The following PARD3B variants were observed in gnomAD, a reference collection of about 807,000 sequenced individuals.
The protein encoded by PARD3B is partitioning defective 3 homolog B.
A neutral mutation model predicts 130.2 loss-of-function variants in PARD3B; 103 were observed. The ratio of observed to expected loss-of-function variants is 0.79; its 90% CI spans 0.67 to 0.93. PARD3B has a LOEUF of 0.93. PARD3B is among the 40% of genes least tolerant of loss of function. PARD3B has a pLI of 0.00. For synonymous variants in PARD3B, 583 were observed against 553.2 expected, an observed-to-expected ratio of 1.05 and a Z score of -0.76; for missense variants, 1,609 against 1,499.2, an observed-to-expected ratio of 1.07 and a Z score of -1.21.
At chr2:204,765,385 C>A (rs1401296714) in intron 2 of PARD3B, among the ~76,000 whole-genome samples, 1 of 152,146 alleles carries the variant, frequency 6.6e-6, no homozygotes, top group South Asian at 2.1e-4. Flanking sequence ...AATCTTCTTG[C>A]TGCAAGAAGA....
At chr2:204,667,711 C>T (rs1040909598) in intron 1 of PARD3B, among the ~76,000 whole-genome samples, 1 of 152,096 alleles carries the variant, frequency 6.6e-6, no homozygotes, top group Admixed American at 6.6e-5. Flanking sequence ...GGGGGAGTCA[C>T]AAATAGTGAA....
chr2:205,161,211 G>A (rs2034485408), intron 11 of PARD3B, among the ~76,000 whole-genome samples: 3 of 152,146 alleles, frequency 2.0e-5, no homozygotes, highest in Admixed American at 2.0e-4. Flanking sequence ...GGTTTAATAT[G>A]TATATCCATG....
rs1037410676 is a variant in PARD3B, at chr2:204,891,180, CCTTTT to C, written c.223-73966_223-73962del. Reference sequence around the variant, plus strand: ...GCACGCTGTGTGTTTTCTCTTAAGTCCTTTTCTTTTTTTTTTTTTTTTAACCTTGT... The same window carrying C: ...GCACGCTGTGTGTTTTCTCTTAAGTCCTTTTTTTTTTTTTTTTAACCTTGT... On this transcript the variant is annotated intron_variant, in intron 2 of 22. Transcript: ENST00000406610. 9.4e-5 allele frequency among the ~76,000 whole-genome samples: 14 copies of C among 149,364 alleles called. No individual in the cohort carries two copies. In the South Asian group the frequency reaches 2.1e-3, roughly 22 times the overall value.
At chr2:205,143,936 C>G (rs1047381149) in intron 10 of PARD3B, among the ~76,000 whole-genome samples, 1 of 152,072 alleles carries the variant, frequency 6.6e-6, no homozygotes, top group African/African-American at 2.4e-5. Context: ...ATCATTAACC[C>G]TTGATAGGTC....
chr2:205,252,452 A>T (rs987616794), intron 16 of PARD3B, among the ~76,000 whole-genome samples: 1 of 152,170 alleles, frequency 6.6e-6, no homozygotes, highest in African/African-American at 2.4e-5. Context: ...CAGAGGAAAT[A>T]TTGCTTAATT....
chr2:205,353,567 G>A (rs2044070400), intron 18 of PARD3B, among the ~76,000 whole-genome samples: 1 of 152,084 alleles, frequency 6.6e-6, no homozygotes, highest in South Asian at 2.1e-4. Context: ...CCCAATACAT[G>A]CTTTGTCAAA....
chr2:205,478,959 G>A (rs528700438), intron 20 of PARD3B, among the ~76,000 whole-genome samples: 3 of 152,286 alleles, frequency 2.0e-5, no homozygotes, highest in South Asian at 2.1e-4. Flanking sequence ...TGATGGCACT[G>A]AGATGTTATA....
Position 204,545,911 on chromosome 2 carries a change from C to A in PARD3B, c.-89C>A. 2 of 1,390,522 alleles carry A rather than the reference C, an allele frequency of 1.4e-6. No homozygotes were observed. Among genetic ancestry groups the A allele is most frequent in the Non-Finnish European group, 1.9e-6 (2 of 1,067,064 alleles). The allele number at this position is 1,390,522 out of a possible 1,614,324, so 86.1% of individuals were successfully genotyped here. On this transcript the variant is annotated 5_prime_UTR_variant, in exon 1 of 23. Transcript: ENST00000406610. ...CGGCGCCCCGGGTCTCTGGGCCCAC[C>A]CGCCCCGGGCGTCCTCCGAGAGTGG... is the stretch of plus-strand genomic sequence containing the variant.
Position 205,253,226 on chromosome 2 carries a change from C to A in PARD3B, c.2185+7404C>A, listed in dbSNP as rs1184197582. 1.2e-5 allele frequency: 5 copies of A among 422,464 alleles called. 1 individual carries two copies. Among genetic ancestry groups the A allele is most frequent in the Non-Finnish European group, 2.4e-5 (5 of 210,212 alleles). 26.2% of individuals were successfully genotyped at this position (422,464 alleles called of 1,614,324 possible). ...GACCAGCAATTTCCTGCGGCATTTA[C>A]TTCTTGATAACAAGAGTGAGAAGAT... On this transcript the variant is annotated intron_variant, in intron 16 of 22. Transcript: ENST00000406610. This position sits in a 1 kb window ranked among gnomAD's most constrained non-coding sequence, Gnocchi z 4.4.
chr2:204,792,012 A>G (rs889822387), intron 2 of PARD3B, among the ~76,000 whole-genome samples: 1 of 152,220 alleles, frequency 6.6e-6, no homozygotes, highest in African/African-American at 2.4e-5. Flanking sequence ...TATCACATTT[A>G]CTAAAATGCA....
chr2:204,653,438 A>G (rs960409885), intron 1 of PARD3B, among the ~76,000 whole-genome samples: 3 of 151,088 alleles, frequency 2.0e-5, no homozygotes, highest in African/African-American at 7.4e-5. Context: ...TATATGTGGC[A>G]TCCAGACTCT....
chr2:205,097,378 A>G (rs1466839790), intron 4 of PARD3B, among the ~76,000 whole-genome samples: 1 of 152,182 alleles, frequency 6.6e-6, no homozygotes, highest in African/African-American at 2.4e-5. Flanking sequence ...TCACTAACAC[A>G]ACATGTAAAA....
At chr2:204,557,093 C>T (rs1339282067) in intron 1 of PARD3B, among the ~76,000 whole-genome samples, 2 of 151,832 alleles carry the variant, frequency 1.3e-5, no homozygotes, top group South Asian at 2.1e-4. Flanking sequence ...CAGATGCCCT[C>T]TCTGCCATCT....
intron 2 of PARD3B, among the ~76,000 whole-genome samples, chr2:204,847,854 G>A (rs941084784): frequency 6.6e-6 from 1 of 152,198 alleles, no homozygotes; most frequent in Non-Finnish European, 1.5e-5. Context: ...AACATCGTAT[G>A]CTGAGGTTGC....
chr2:204,681,947 C>CT (rs1395942133), intron 1 of PARD3B, among the ~76,000 whole-genome samples: 1 of 152,172 alleles, frequency 6.6e-6, no homozygotes, highest in African/African-American at 2.4e-5. Context: ...TTCCAAAACC[C>CT]TTAAGTCTAT....
rs539884553 is a variant in PARD3B, at chr2:204,732,375, C to T, written c.222+46093C>T. ...ACACTTTTTTTCTAGCTATGGTTTTCTCTGGACATTCTCAGTGCCTTGATA... is the reference window on the plus strand; with the variant it reads ...ACACTTTTTTTCTAGCTATGGTTTTTTCTGGACATTCTCAGTGCCTTGATA... On this transcript the variant is annotated intron_variant, in intron 2 of 22. Coordinates refer to ENST00000406610, the MANE Select transcript of PARD3B (RefSeq NM_001302769.2). Among the ~76,000 whole-genome samples, 449 of 152,282 alleles carry T rather than the reference C, an allele frequency of 2.9e-3. 1 individual carries two copies. Among genetic ancestry groups the T allele is most frequent in the African/African-American group, 9.6e-3 (399 of 41,570 alleles).
At chr2:204,748,415 G>A (rs1039588564) in intron 2 of PARD3B, among the ~76,000 whole-genome samples, 1 of 152,024 alleles carries the variant, frequency 6.6e-6, no homozygotes, top group Non-Finnish European at 1.5e-5. Context: ...GTAATGTCCT[G>A]CTATGACCTC....
At chr2:205,235,970 T>G (rs1464937521) in intron 15 of PARD3B, among the ~76,000 whole-genome samples, 1 of 152,162 alleles carries the variant, frequency 6.6e-6, no homozygotes, top group African/African-American at 2.4e-5. Context: ...CCAGACTGAT[T>G]AGTATAATAT....
chr2:205,456,981 T>C (rs921303338), intron 20 of PARD3B, among the ~76,000 whole-genome samples: 9 of 151,488 alleles, frequency 5.9e-5, no homozygotes, highest in African/African-American at 2.2e-4. Context: ...ATTCATTTGC[T>C]AATATTTATT....
Sources: gnomAD v4.1 joint callset for allele counts (sites outside exome capture counted in the v4.1 genomes callset) on GRCh38, gnomAD v4.1.1 for gene constraint, Gnocchi (gnomAD v3.1) non-coding constraint, MANE v1.5 for transcripts, NCBI Gene and HGNC (gene_info 2026-07-23, HGNC 2026-07-21) for gene names.